The following CMSS1 variants were observed in gnomAD, a reference collection of about 807,000 sequenced individuals.
CMSS1 encodes the protein protein CMSS1.
A neutral mutation model predicts 43.5 loss-of-function variants in CMSS1; 33 were observed. That is an observed-to-expected ratio of 0.76 (90% CI 0.57 to 1.01). The LOEUF is 1.01. Ranked by LOEUF, CMSS1 falls within the 50% of genes least tolerant of loss-of-function variation. The pLI is 0.00. For synonymous variants in CMSS1, 115 were observed against 117.2 expected (o/e 0.98, Z 0.12); for missense variants, 313 against 326.4 (o/e 0.96, Z 0.32).
chr3:99,877,074 C>G (rs1221047684), intron 1 of CMSS1, among the ~76,000 whole-genome samples: 1 of 152,148 alleles, frequency 6.6e-6, no homozygotes, highest in African/African-American at 2.4e-5. Flanking sequence ...TTTACTTGTA[C>G]AAATCCTACT....
At chr3:100,074,768 A>G (rs1348308084) in intron 1 of CMSS1, among the ~76,000 whole-genome samples, 2 of 129,960 alleles carry the variant, frequency 1.5e-5, no homozygotes, top group Non-Finnish European at 3.1e-5. Context: ...ATCTTGGCTC[A>G]CTGCAACCTC....
intron 1 of CMSS1, among the ~76,000 whole-genome samples, chr3:100,056,340 T>C (rs1022769370): frequency 3.3e-5 from 5 of 152,196 alleles, no homozygotes; most frequent in Admixed American, 2.6e-4. Context: ...TTCCAGACCT[T>C]ACATCTACTT....
chr3:99,983,464 GTATATATATA>G (rs1191587665), intron 1 of CMSS1, among the ~76,000 whole-genome samples: 202 of 12,678 alleles, frequency 0.016, 6 homozygotes, highest in African/African-American at 0.037. Context: ...ATATATGTGT[GTATATATATA>G]TATATATATA....
intron 1 of CMSS1, among the ~76,000 whole-genome samples, chr3:99,973,642 G>A (rs1051669290): frequency 3.9e-5 from 6 of 152,094 alleles, no homozygotes; most frequent in Non-Finnish European, 7.4e-5. Flanking sequence ...AATAGATTGA[G>A]GAGGAAAACC....
chr3:99,931,073 A>C, intron 1 of CMSS1: 1 of 1,534,030 alleles, frequency 6.5e-7, no homozygotes, highest in Non-Finnish European at 8.9e-7. Flanking sequence ...ATGGAAATGG[A>C]GTTTTAATAA....
intron 1 of CMSS1, among the ~76,000 whole-genome samples, chr3:100,050,592 T>C (rs1366528968): frequency 1.3e-5 from 2 of 152,116 alleles, no homozygotes; most frequent in African/African-American, 2.4e-5. Flanking sequence ...AGTGCAGTGG[T>C]ACAATCTCTG....
intron 1 of CMSS1, among the ~76,000 whole-genome samples, chr3:100,011,444 G>GACTA (rs1710154426): frequency 6.6e-6 from 1 of 152,032 alleles, no homozygotes; most frequent in Non-Finnish European, 1.5e-5. Flanking sequence ...ACACCCAGAG[G>GACTA]ACTAGTTAGA....
At chr3:100,000,010 A>G (rs1015683422) in intron 1 of CMSS1, among the ~76,000 whole-genome samples, 3 of 152,228 alleles carry the variant, frequency 2.0e-5, no homozygotes, top group Admixed American at 1.3e-4. Context: ...AAGAAATACC[A>G]GACTCCACCT....
At chr3:99,974,959 G>A (rs1708926616) in intron 1 of CMSS1, among the ~76,000 whole-genome samples, 1 of 152,104 alleles carries the variant, frequency 6.6e-6, no homozygotes, top group East Asian at 1.9e-4. Flanking sequence ...AATGTGCAAA[G>A]CTAGAAAATA....
chr3:100,112,561 A>C (rs2066509533), intron 1 of CMSS1, among the ~76,000 whole-genome samples: 2 of 152,236 alleles, frequency 1.3e-5, no homozygotes, highest in Non-Finnish European at 2.9e-5. Flanking sequence ...AGACAATTAC[A>C]CATGAACTTT....
intron 1 of CMSS1, chr3:99,849,036 A>T: frequency 6.2e-7 from 1 of 1,614,002 alleles, no homozygotes. Flanking sequence ...CATTGGGTTT[A>T]GTTTGCATTT....
intron 1 of CMSS1, among the ~76,000 whole-genome samples, chr3:100,116,451 G>C (rs1002022108): frequency 2.0e-5 from 3 of 152,110 alleles, no homozygotes; most frequent in Admixed American, 6.6e-5. Context: ...TCTGGCACAA[G>C]AAAATGTTCC....
At chr3:100,046,094 T>A (rs2065274426) in intron 1 of CMSS1, among the ~76,000 whole-genome samples, 1 of 152,204 alleles carries the variant, frequency 6.6e-6, no homozygotes, top group African/African-American at 2.4e-5. Flanking sequence ...TGTAACATGA[T>A]GACTGCTTGG....
rs181239391 is a variant in CMSS1 at position 100,068,137 on chromosome 3, A to G, written c.65-78836A>G. On this transcript the variant is annotated intron_variant, in intron 1 of 9. Coordinates refer to ENST00000421999, the MANE Select transcript of CMSS1 (RefSeq NM_032359.4). ...TGTAAAACTCCAAGGCAATCAGAGA[A>G]ATGCACATTTAATCAAAGAAATACC... Among the ~76,000 whole-genome samples, 8 of 152,380 alleles carry G rather than the reference A, an allele frequency of 5.3e-5. No homozygotes were observed. The East Asian group carries it at 1.3e-3, about 26-fold the overall frequency.
At chr3:100,131,348 G>A (rs917220091) in intron 1 of CMSS1, among the ~76,000 whole-genome samples, 1 of 152,166 alleles carries the variant, frequency 6.6e-6, no homozygotes, top group African/African-American at 2.4e-5. Flanking sequence ...CTTCAAATGA[G>A]TGATAAACGA....
At chr3:99,881,509 A>G (rs1217737413) in intron 1 of CMSS1, among the ~76,000 whole-genome samples, 1 of 151,348 alleles carries the variant, frequency 6.6e-6, no homozygotes, top group Admixed American at 6.6e-5. Context: ...GGACCTTGTC[A>G]TATAATTTGT....
At chr3:99,925,605 T>C (rs954047338) in intron 1 of CMSS1, among the ~76,000 whole-genome samples, 1 of 152,140 alleles carries the variant, frequency 6.6e-6, no homozygotes, top group African/African-American at 2.4e-5. Context: ...TTAACAAAAG[T>C]AGGGATTCAG....
At position 99,897,936 on chromosome 3, in the gene CMSS1, A is replaced by G. The variant is rs1019219979; in HGVS notation, c.64+79893A>G. ...GAAGTTTTCCATGTTTCTCGTCACC[A>G]TGAATAATTGAGAACCAACTCTATT... On this transcript the variant is annotated intron_variant, in intron 1 of 9. Coordinates refer to ENST00000421999, the MANE Select transcript of CMSS1 (RefSeq NM_032359.4). 2.6e-5 allele frequency among the ~76,000 whole-genome samples: 4 copies of G among 152,376 alleles called. No homozygotes were observed. In the South Asian group the frequency reaches 6.2e-4, roughly 24 times the overall value.
intron 1 of CMSS1, among the ~76,000 whole-genome samples, chr3:99,971,212 T>C (rs1343477666): frequency 6.6e-6 from 1 of 151,924 alleles, no homozygotes; most frequent in Admixed American, 6.6e-5. Flanking sequence ...TGGTGGCAGA[T>C]GCCTGTAGTC....
Sources: gnomAD v4.1 joint callset for allele counts (sites outside exome capture counted in the v4.1 genomes callset) on GRCh38, gnomAD v4.1.1 for gene constraint, MANE v1.5 for transcripts, NCBI Gene and HGNC (gene_info 2026-07-23, HGNC 2026-07-21) for gene names.